The following GTF2F2 variants were observed in gnomAD, a reference collection of about 807,000 sequenced individuals.
The protein encoded by GTF2F2 is general transcription factor IIF subunit 2, also known as ATP-dependent helicase GTF2F2.
Under a neutral mutation model 42.2 loss-of-function variants are expected in GTF2F2, and 23 were observed. The ratio of observed to expected loss-of-function variants is 0.55; its 90% CI spans 0.39 to 0.77. The LOEUF is 0.77. GTF2F2 is among the 30% of genes least tolerant of loss of function. GTF2F2 has a pLI of 0.00. For missense variants in GTF2F2, 261 were observed against 287.2 expected (o/e 0.91, Z 0.66); for synonymous variants, 105 against 100.8 (o/e 1.04, Z -0.25).
intron 3 of GTF2F2, among the ~76,000 whole-genome samples, chr13:45,151,038 T>C (rs1414787793): frequency 6.6e-6 from 1 of 152,190 alleles, no homozygotes; most frequent in Non-Finnish European, 1.5e-5. Flanking sequence ...GTATATTGCA[T>C]GATGCTGAGA....
chr13:45,230,884 G>C (rs908513509), intron 5 of GTF2F2, among the ~76,000 whole-genome samples: 1 of 151,960 alleles, frequency 6.6e-6, no homozygotes, highest in Admixed American at 6.5e-5. Context: ...AGACAGAAGT[G>C]TTTAAGTTTG....
intron 7 of GTF2F2, among the ~76,000 whole-genome samples, chr13:45,272,445 A>C (rs572950290): frequency 3.3e-4 from 47 of 140,494 alleles, no homozygotes; most frequent in Non-Finnish European, 5.7e-4. Flanking sequence ...AAAAAACAAA[A>C]AAAAAAAACA....
intron 4 of GTF2F2, among the ~76,000 whole-genome samples, chr13:45,167,304 G>A (rs1458712483): frequency 2.7e-5 from 4 of 147,640 alleles, no homozygotes; most frequent in Non-Finnish European, 4.5e-5. Flanking sequence ...TTGCAGTCTC[G>A]GCTCACTGCA....
intron 5 of GTF2F2, among the ~76,000 whole-genome samples, chr13:45,249,911 C>G (rs1338179207): frequency 6.6e-6 from 1 of 152,124 alleles, no homozygotes; most frequent in African/African-American, 2.4e-5. Context: ...CAAGTTAACA[C>G]ATTTAGCTGT....
chr13:45,123,226 G>A (rs968377733), intron 1 of GTF2F2: 19 of 152,224 alleles, frequency 1.2e-4, no homozygotes, highest in Non-Finnish European at 2.1e-4. Context: ...GAAGCTGCAC[G>A]CTTGACCAAA....
At chr13:45,224,296 C>T (rs2138208480) in intron 5 of GTF2F2, among the ~76,000 whole-genome samples, 1 of 152,282 alleles carries the variant, frequency 6.6e-6, no homozygotes, top group South Asian at 2.1e-4. Flanking sequence ...TCTCTTCCTT[C>T]TGATTTAGTG....
At chr13:45,248,207 T>G (rs1875725870) in intron 5 of GTF2F2, among the ~76,000 whole-genome samples, 1 of 152,160 alleles carries the variant, frequency 6.6e-6, no homozygotes, top group Non-Finnish European at 1.5e-5. Flanking sequence ...CTTGACTAAA[T>G]TTGTTACTTG....
At chr13:45,215,349 G>C (rs1007928749) in intron 5 of GTF2F2, among the ~76,000 whole-genome samples, 1 of 152,206 alleles carries the variant, frequency 6.6e-6, no homozygotes, top group African/African-American at 2.4e-5. Flanking sequence ...CATTAAAAAT[G>C]CACTAATTTA....
rs915930604 is a variant in GTF2F2, at chr13:45,284,380, G to A, written c.*819G>A. The stretch of plus-strand genomic sequence containing the variant: ...AAAAGATGGGCGTAGGGGTCCAGCC[G>A]AGACAGAAAACGTTAGTTTCAATTC... On this transcript the variant is annotated 3_prime_UTR_variant, in exon 8 of 8. Coordinates refer to ENST00000340473, the MANE Select transcript of GTF2F2 (RefSeq NM_004128.3). The A allele has an allele frequency of 3.9e-5, 6 of 152,068 alleles. No homozygotes were observed. Among genetic ancestry groups the A allele is most frequent in the African/African-American group, 9.7e-5 (4 of 41,414 alleles). 9.4% of individuals were successfully genotyped at this position (152,068 alleles called of 1,614,324 possible). A position where few individuals can be genotyped will look rare whatever the true frequency, so the allele number is the denominator to read the frequency against.
At chr13:45,140,809 A>G (rs1384533804) in intron 2 of GTF2F2, among the ~76,000 whole-genome samples, 1 of 152,220 alleles carries the variant, frequency 6.6e-6, no homozygotes, top group Non-Finnish European at 1.5e-5. Flanking sequence ...AATCTCAGGA[A>G]TGTATGTCAC....
Position 45,267,355 on chromosome 13 carries a change from G to A in GTF2F2, c.609G>A (p.Val203=). The A allele has an allele frequency of 1.9e-6, 3 of 1,609,196 alleles. No homozygotes were observed. The highest frequency in any genetic ancestry group is 1.7e-6 in the Non-Finnish European group (2 of 1,176,696). ...AATACTATAATCTTAAGGACTTGGTGGACATCACAAAGCAACCTGTGGTAT... is the reference window on the plus strand; with the variant it reads ...AATACTATAATCTTAAGGACTTGGTAGACATCACAAAGCAACCTGTGGTAT... ...KHQYYNLKDL[V]DITKQPVVYL... is the part of the protein sequence containing the mutation. The change falls in exon 7 of 8, where the codon GTG becomes GTA. Residue 203 remains valine (V), a synonymous_variant. Transcript: ENST00000340473.
At chr13:45,129,582 A>G (rs1182699715) in intron 1 of GTF2F2, among the ~76,000 whole-genome samples, 1 of 152,208 alleles carries the variant, frequency 6.6e-6, no homozygotes, top group East Asian at 1.9e-4. Context: ...GTAGTAAATT[A>G]TATATCCTAG....
In GTF2F2 at chr13:45,234,631, A is replaced by G. The variant is rs538270447; in HGVS notation, c.387-18240A>G. Among the ~76,000 whole-genome samples the G allele has an allele frequency of 3.9e-5, 6 of 152,336 alleles. No individual in the cohort carries two copies. In the South Asian group the frequency reaches 8.3e-4, roughly 21 times the overall value. ...CTTAATCTATCCATGGGTTCAATATAAAAGAAAAACTTGCATGTTGGCCAG... is the reference window on the plus strand; with the variant it reads ...CTTAATCTATCCATGGGTTCAATATGAAAGAAAAACTTGCATGTTGGCCAG... On this transcript the variant is annotated intron_variant, in intron 5 of 7. Coordinates refer to ENST00000340473, the MANE Select transcript of GTF2F2 (RefSeq NM_004128.3).
At chr13:45,201,401 T>C (rs1363353323) in intron 4 of GTF2F2, among the ~76,000 whole-genome samples, 1 of 152,124 alleles carries the variant, frequency 6.6e-6, no homozygotes, top group East Asian at 1.9e-4. Flanking sequence ...AATGAAATAA[T>C]AAAACATCCC....
intron 5 of GTF2F2, among the ~76,000 whole-genome samples, chr13:45,232,434 C>T (rs1441252219): frequency 6.6e-6 from 1 of 151,878 alleles, no homozygotes; most frequent in Non-Finnish European, 1.5e-5. Flanking sequence ...CAAGACCAGC[C>T]TGGGTAACAC....
At chr13:45,160,418 A>G (rs547374213) in intron 4 of GTF2F2, among the ~76,000 whole-genome samples, 1 of 152,342 alleles carries the variant, frequency 6.6e-6, no homozygotes, top group African/African-American at 2.4e-5. Flanking sequence ...GGTCACTTGC[A>G]GTATAGAATC....
intron 5 of GTF2F2, among the ~76,000 whole-genome samples, chr13:45,244,772 G>A (rs1321877010): frequency 6.6e-6 from 1 of 152,206 alleles, no homozygotes; most frequent in African/African-American, 2.4e-5. Context: ...CTGGGTTCAA[G>A]CGATTCTCCT....
intron 5 of GTF2F2, among the ~76,000 whole-genome samples, chr13:45,241,817 A>G (rs572815089): frequency 1.3e-5 from 2 of 152,238 alleles, no homozygotes; most frequent in South Asian, 4.1e-4. Flanking sequence ...TATTTATTCA[A>G]CGCACTGGGT....
chr13:45,252,165 C>T (rs554658247), intron 5 of GTF2F2, among the ~76,000 whole-genome samples: 2 of 152,302 alleles, frequency 1.3e-5, no homozygotes, highest in East Asian at 3.9e-4. Flanking sequence ...TTTTCTGAGA[C>T]ATGGTCTCTC....
Sources: allele counts gnomAD v4.1 joint callset (sites outside exome capture counted in the v4.1 genomes callset), GRCh38; gene constraint gnomAD v4.1.1; transcripts MANE v1.5; gene names NCBI Gene and HGNC (gene_info 2026-07-23, HGNC 2026-07-21).